The following MFSD2A variants were observed in gnomAD, a reference collection of about 807,000 sequenced individuals.
The protein encoded by MFSD2A is sodium-dependent lysophosphatidylcholine symporter 1.
In MFSD2A, 27 loss-of-function variants were observed where a neutral mutation model predicts 64.7. That is an observed-to-expected ratio of 0.42 (90% CI 0.31 to 0.58). The LOEUF (loss-of-function observed/expected upper bound fraction) is 0.58. Ranked by LOEUF, MFSD2A falls within the 20% of genes least tolerant of loss-of-function variation. MFSD2A has a pLI of 0.18. For missense variants in MFSD2A, 474 were observed against 679.5 expected, an observed-to-expected ratio of 0.70 and a Z score of 3.36; for synonymous variants, 258 against 273.4, an observed-to-expected ratio of 0.94 and a Z score of 0.55.
chr1:39,969,654 G>C lies in MFSD2A; in HGVS notation c.*86G>C. ...TGCCGGCTTGCTGAGCAGCTGGACT[G>C]CAGGTGCTAGGAAGGGAACTGAAGA... On this transcript the variant is annotated 3_prime_UTR_variant, in exon 14 of 14. Transcript: ENST00000372811. 3.9e-6 allele frequency: 5 copies of C among 1,285,286 alleles called. No homozygotes were observed. The highest frequency in any genetic ancestry group is 5.5e-6 in the Non-Finnish European group (5 of 915,500). The allele number at this position is 1,285,286 out of a possible 1,614,324, so 79.6% of individuals were successfully genotyped here.
rs1317011597 is a variant in MFSD2A, at chr1:39,963,937, T to C, written c.354-1274T>C. On this transcript the variant is annotated intron_variant, in intron 3 of 13. Transcript: ENST00000372811. This position sits in a 1 kb window ranked among gnomAD's most constrained non-coding sequence, Gnocchi z 4.2. The stretch of plus-strand genomic sequence containing the variant: ...TTTAGTAGAGACGGAGGTTTCGCCA[T>C]GTTGGGCAGGCTGGTCTTGAACTCC... 6.6e-6 allele frequency among the ~76,000 whole-genome samples: 1 copy of C among 152,106 alleles called. No homozygotes were observed. Among genetic ancestry groups the C allele is most frequent in the African/African-American group, 2.4e-5 (1 of 41,422 alleles).
rs1474595939 is a variant in MFSD2A at position 39,955,680 on chromosome 1, G to A, written c.93+295G>A. On this transcript the variant is annotated intron_variant, in intron 1 of 13. Coordinates refer to ENST00000372811, the MANE Select transcript of MFSD2A (RefSeq NM_032793.5). The surrounding 1 kb of genome is among the most constrained non-coding windows in gnomAD (Gnocchi z 5.9). ...CGGTTTCCATTCTTCCGTGTTGAGCGGCTGGGGCTTGCCGCCCCAAACCCC... is the reference window on the plus strand; with the variant it reads ...CGGTTTCCATTCTTCCGTGTTGAGCAGCTGGGGCTTGCCGCCCCAAACCCC... The A allele has an allele frequency of 1.4e-5, 9 of 627,380 alleles. No individual in the cohort carries two copies. The East Asian group carries it at 2.9e-4, about 21-fold the overall frequency. The allele number at this position is 627,380 out of a possible 1,614,324, so 38.9% of individuals were successfully genotyped here. A position where few individuals can be genotyped will look rare whatever the true frequency, so the allele number is the denominator to read the frequency against.
At position 39,968,780 on chromosome 1, in the gene MFSD2A, G is replaced by A; in HGVS notation, c.1529+35G>A. 6.2e-7 allele frequency: 1 copy of A among 1,610,764 alleles called. No homozygotes were observed. The highest frequency in any genetic ancestry group is 8.5e-7 in the Non-Finnish European group (1 of 1,178,632). On this transcript the variant is annotated intron_variant, in intron 13 of 13. Transcript: ENST00000372811. The surrounding 1 kb of genome is among the most constrained non-coding windows in gnomAD (Gnocchi z 4.4). ...GAGGGGACAGGATGCTGGAGGAGGG[G>A]ACGTCACTGTGTCTAAACCCTCAAT...
At chr1:39,967,492 A>G (rs1645189158) in intron 9 of MFSD2A, 136 bp from the exon 10 acceptor site, 3 of 808,158 alleles carry the variant, frequency 3.7e-6, no homozygotes, top group Admixed American at 1.9e-5. Flanking sequence ...GGTGCCTGTC[A>G]TCTTCGTTGC....
rs773279040 is a variant in MFSD2A, at chr1:39,965,193, C to T, written c.354-18C>T. ...GGCTCCAGCCTCCAGCCTCCACTCA[C>T]ACCCTCCTCTTCCTCAGGATCATCT... On this transcript the variant is annotated intron_variant, in intron 3 of 13. Coordinates refer to ENST00000372811, the MANE Select transcript of MFSD2A (RefSeq NM_032793.5). The surrounding 1 kb of genome is among the most constrained non-coding windows in gnomAD (Gnocchi z 5.5). 1.2e-6 allele frequency: 2 copies of T among 1,613,856 alleles called. No homozygotes were observed. Among genetic ancestry groups the T allele is most frequent in the South Asian group, 1.1e-5 (1 of 91,064 alleles).
At position 39,958,619 on chromosome 1, in the gene MFSD2A, G is replaced by A; in HGVS notation, c.229-82G>A. 1 of 1,612,246 alleles carries A rather than the reference G, an allele frequency of 6.2e-7. No homozygotes were observed. Among genetic ancestry groups the A allele is most frequent in the African/African-American group, 1.3e-5 (1 of 74,978 alleles). On this transcript the variant is annotated intron_variant, in intron 2 of 13. Transcript: ENST00000372811. The surrounding 1 kb of genome is among the most constrained non-coding windows in gnomAD (Gnocchi z 4.7). Reference sequence around the variant, plus strand: ...ACAAGATCCTGGCTGAGATAGGGAGGGAGCCTCTGCTTCTGCCTACCAGTG... The same window carrying A: ...ACAAGATCCTGGCTGAGATAGGGAGAGAGCCTCTGCTTCTGCCTACCAGTG...
intron 3 of MFSD2A, among the ~76,000 whole-genome samples, chr1:39,959,787 A>G (rs113799795): frequency 1.1e-4 from 16 of 152,376 alleles, no homozygotes; most frequent in African/African-American, 3.8e-4. Flanking sequence ...AATACCAAGC[A>G]GTGTCTGGGA....
Position 39,960,295 on chromosome 1 carries a change from G to C in MFSD2A, c.353+1470G>C, listed in dbSNP as rs1645008878. Among the ~76,000 whole-genome samples, 1 of 152,196 alleles carries C rather than the reference G, an allele frequency of 6.6e-6. No homozygotes were observed. The highest frequency in any genetic ancestry group is 1.5e-5 in the Non-Finnish European group (1 of 68,006). On this transcript the variant is annotated intron_variant, in intron 3 of 13. Transcript: ENST00000372811. The surrounding 1 kb of genome is among the most constrained non-coding windows in gnomAD (Gnocchi z 4.8). ...CTTAAGTGGGCGCCTTCCTGCCCCA[G>C]GGGCGCCCATACCTGGCCTCCGGCC...
At position 39,965,583 on chromosome 1, in the gene MFSD2A, C is replaced by T. The variant is rs1353315912; in HGVS notation, c.556+34C>T. On this transcript the variant is annotated intron_variant, in intron 5 of 13. Coordinates refer to ENST00000372811, the MANE Select transcript of MFSD2A (RefSeq NM_032793.5). This position sits in a 1 kb window ranked among gnomAD's most constrained non-coding sequence, Gnocchi z 5.5. Reference sequence around the variant, plus strand: ...CCCCAGCCCACCTGACCCCACCCTCCAGGGACCCTCCAGCCATACTTCTTC... The same window carrying T: ...CCCCAGCCCACCTGACCCCACCCTCTAGGGACCCTCCAGCCATACTTCTTC... 1 of 1,601,404 alleles carries T rather than the reference C, an allele frequency of 6.2e-7. No individual in the cohort carries two copies. Among genetic ancestry groups the T allele is most frequent in the Non-Finnish European group, 8.6e-7 (1 of 1,168,580 alleles).
chr1:39,961,250 C>T (rs12747592), intron 3 of MFSD2A, among the ~76,000 whole-genome samples: 5,079 of 148,036 alleles, frequency 0.034, 121 homozygotes, highest in Middle Eastern at 0.055. Flanking sequence ...TCCTCCTGGG[C>T]CTCAGGGCAA....
Position 39,969,747 on chromosome 1 carries a change from T to A in MFSD2A, c.*179T>A. The A allele has an allele frequency of 3.3e-6, 2 of 611,528 alleles. No individual in the cohort carries two copies. 37.9% of individuals were successfully genotyped at this position (611,528 alleles called of 1,614,324 possible). On this transcript the variant is annotated 3_prime_UTR_variant, in exon 14 of 14. Transcript: ENST00000372811. Reference sequence around the variant, plus strand: ...GCCGGCTGCTCTGTGGCCTCCTGCCTCCCCTCTGCCTGCCTGTGGGGCCAA... The same window carrying A: ...GCCGGCTGCTCTGTGGCCTCCTGCCACCCCTCTGCCTGCCTGTGGGGCCAA...
chr1:39,967,196 C>A, intron 9 of MFSD2A, 27 bp downstream of exon 9: 1 of 1,599,328 alleles, frequency 6.3e-7, no homozygotes. Context: ...CAGGGGCGGG[C>A]AGCCTGGGCT....
In MFSD2A at chr1:39,966,869, C is replaced by T. The variant is rs199804042; in HGVS notation, c.864C>T (p.Val288=). The T allele has an allele frequency of 6.2e-7, 1 of 1,613,818 alleles. No individual in the cohort carries two copies. The highest frequency in any genetic ancestry group is 1.1e-5 in the South Asian group (1 of 91,062). The change falls in exon 8 of 14, where the codon GTC becomes GTT. Residue 288 remains valine (V), a synonymous_variant. Coordinates refer to ENST00000372811, the MANE Select transcript of MFSD2A (RefSeq NM_032793.5). The part of the protein sequence containing the change: ...PIAYFRGLRL[V]MSHGPYIKLI... ...CCTACTTCCGGGGCCTACGGCTGGT[C>T]ATGAGCCACGGCCCATACATCAAAC...
rs1224325885 is a variant in MFSD2A at position 39,964,745 on chromosome 1, AGGTGTGTGTGAATGG to A, written c.354-455_354-441del. 3.9e-5 allele frequency: 6 copies of A among 154,482 alleles called. No homozygotes were observed. The highest frequency in any genetic ancestry group is 7.8e-5 in the Non-Finnish European group (6 of 76,544). The allele number at this position is 154,482 out of a possible 1,614,324, so 9.6% of individuals were successfully genotyped here. A position where few individuals can be genotyped will look rare whatever the true frequency, so the allele number is the denominator to read the frequency against. On this transcript the variant is annotated intron_variant, in intron 3 of 13. Transcript: ENST00000372811. This position sits in a 1 kb window ranked among gnomAD's most constrained non-coding sequence, Gnocchi z 4.1. ...TGTGTGAATGATGTGTGTGTGAATG[AGGTGTGTGTGAATGG>A]GGTGTGTGTGTGTGTGAATGAGGTG...
In MFSD2A at chr1:39,965,680, C is replaced by T; in HGVS notation, c.556+131C>T. On this transcript the variant is annotated intron_variant, in intron 5 of 13. Coordinates refer to ENST00000372811, the MANE Select transcript of MFSD2A (RefSeq NM_032793.5). The surrounding 1 kb of genome is among the most constrained non-coding windows in gnomAD (Gnocchi z 5.5). Reference sequence around the variant, plus strand: ...ACCATCTTAAAAATAACTCAATCCCCTTATTGCTCAGATGAGACCTGGAGA... The same window carrying T: ...ACCATCTTAAAAATAACTCAATCCCTTTATTGCTCAGATGAGACCTGGAGA... 2 of 1,240,880 alleles carry T rather than the reference C, an allele frequency of 1.6e-6. No homozygotes were observed. Among genetic ancestry groups the T allele is most frequent in the Non-Finnish European group, 2.3e-6 (2 of 864,886 alleles). 76.9% of individuals were successfully genotyped at this position (1,240,880 alleles called of 1,614,324 possible). A position where few individuals can be genotyped will look rare whatever the true frequency, so the allele number is the denominator to read the frequency against.
chr1:39,969,290 C>T (rs749534547), intron 13 of MFSD2A, among the ~76,000 whole-genome samples: 1 of 152,096 alleles, frequency 6.6e-6, no homozygotes, highest in African/African-American at 2.4e-5. Context: ...CCAGCCCAGG[C>T]GAGAGTGTAG....
chr1:39,957,252 C>T (rs1217944534), intron 2 of MFSD2A, 31 bp downstream of exon 2: 21 of 1,519,846 alleles, frequency 1.4e-5, no homozygotes, highest in Non-Finnish European at 1.7e-5. Context: ...AGGGCTCCTT[C>T]AGCATCCTGA....
In MFSD2A at chr1:39,958,690, C is replaced by T. The variant is rs1468995748; in HGVS notation, c.229-11C>T. ...GATGAGGAAGTTGTCTTTTGCTTCT[C>T]CTCATTCCAGGTGGGCCCTTTCTCT... On this transcript the variant is annotated splice_polypyrimidine_tract_variant and intron_variant, in intron 2 of 13. Coordinates refer to ENST00000372811, the MANE Select transcript of MFSD2A (RefSeq NM_032793.5). The surrounding 1 kb of genome is among the most constrained non-coding windows in gnomAD (Gnocchi z 4.7). 1.2e-6 allele frequency: 2 copies of T among 1,613,998 alleles called. No homozygotes were observed. The highest frequency in any genetic ancestry group is 1.7e-6 in the Non-Finnish European group (2 of 1,180,026).
At chr1:39,959,831 T>A (rs1644996699) in intron 3 of MFSD2A, among the ~76,000 whole-genome samples, 1 of 152,204 alleles carries the variant, frequency 6.6e-6, no homozygotes, top group Admixed American at 6.5e-5. Flanking sequence ...TCAGGGAAGC[T>A]CAGCAGGAGA....
Sources: gnomAD v4.1 joint callset for allele counts (sites outside exome capture counted in the v4.1 genomes callset) on GRCh38, gnomAD v4.1.1 for gene constraint, Gnocchi (gnomAD v3.1) non-coding constraint, MANE v1.5 for transcripts, NCBI Gene and HGNC (gene_info 2026-07-23, HGNC 2026-07-21) for gene names.